The following DDX43 variants were observed in gnomAD, a reference collection of about 807,000 sequenced individuals.
DDX43 encodes probable ATP-dependent RNA helicase DDX43.
Under a neutral mutation model 84.9 loss-of-function variants are expected in DDX43, and 50 were observed. The observed-to-expected ratio is 0.59, with a 90% confidence interval of 0.47 to 0.75. The LOEUF (loss-of-function observed/expected upper bound fraction) is 0.75. Among genes scored for constraint, DDX43 ranks in the 30% least tolerant of loss-of-function variants. The pLI, the probability that DDX43 is intolerant of heterozygous loss-of-function variation, is 0.00. For missense variants in DDX43, 689 were observed against 798.6 expected, an observed-to-expected ratio of 0.86 and a Z score of 1.65; for synonymous variants, 291 against 266.3, an observed-to-expected ratio of 1.09 and a Z score of -0.90.
intron 10 of DDX43, 46 bp from the exon 11 acceptor site, chr6:73,412,159 A>G (rs901194734): frequency 2.7e-6 from 4 of 1,490,124 alleles, no homozygotes; most frequent in Non-Finnish European, 1.9e-6. Context: ...GAAACATAGT[A>G]ATGTTTTTAC....
chr6:73,397,837 C>G, intron 2 of DDX43, 93 bp downstream of exon 2: 1 of 1,170,416 alleles, frequency 8.5e-7, no homozygotes. Context: ...CAGCCTCATT[C>G]TGTCTCCCAG....
At chr6:73,406,025 CTT>C (rs149776059) in intron 6 of DDX43, among the ~76,000 whole-genome samples, 190 bp downstream of exon 6, 39 of 135,580 alleles carry the variant, frequency 2.9e-4, no homozygotes, top group Admixed American at 4.5e-4. Flanking sequence ...AAAATATGTA[CTT>C]TTTTTTTTTT....
At chr6:73,412,721 T>C (rs1769825559) in intron 11 of DDX43, among the ~76,000 whole-genome samples, 1 of 43,940 alleles carries the variant, frequency 2.3e-5, no homozygotes, top group African/African-American at 7.5e-5. Context: ...GTGCAAGTGA[T>C]ATATAGCGTG....
intron 5 of DDX43, 111 bp from the exon 6 acceptor site, chr6:73,405,568 A>C (rs1769660619): frequency 2.9e-6 from 3 of 1,032,486 alleles, no homozygotes; most frequent in Non-Finnish European, 4.2e-6. Context: ...TGACAGTCTC[A>C]TTTTAATCAG....
intron 1 of DDX43, among the ~76,000 whole-genome samples, 200 bp from the exon 2 acceptor site, chr6:73,397,489 G>C (rs184615042): frequency 2.0e-5 from 3 of 152,154 alleles, no homozygotes; most frequent in African/African-American, 7.2e-5. Flanking sequence ...GTCTCCACCT[G>C]TCTGGGATAA....
intron 11 of DDX43, among the ~76,000 whole-genome samples, chr6:73,412,664 T>C (rs572813727): frequency 0.03 from 2,637 of 88,642 alleles, 98 homozygotes; most frequent in Admixed American, 0.052. Context: ...TGTGTGTGTG[T>C]GTGTGCGCGC....
In DDX43 at chr6:73,401,957, G is replaced by C; in HGVS notation, c.535G>C (p.Glu179Gln). Residue 179 changes from glutamate to glutamine, a missense_variant, in exon 4 of 17, where the codon GAA (glutamate) becomes CAA (glutamine). Glu to Gln is a conservative substitution (Grantham distance 29). Coordinates refer to ENST00000370336, the MANE Select transcript of DDX43 (RefSeq NM_018665.3). ...GATAGATTGGGATCAAATTAGAGAG[G>C]AAGGTTTGAAATGGCAAAAAACAAA... ...PLIDWDQIRE[E>Q]GLKWQKTKWA... 1 of 1,614,142 alleles carries C rather than the reference G, an allele frequency of 6.2e-7. No individual in the cohort carries two copies. Among genetic ancestry groups the C allele is most frequent in the Non-Finnish European group, 8.5e-7 (1 of 1,180,002 alleles).
chr6:73,413,952 G>C lies in DDX43; in HGVS notation c.1497-18G>C. ...TAGAATAAGCACCTAAGAATGCTGA[G>C]TTTATCTTTTGCTTCAGTGCGGATC... On this transcript the variant is annotated intron_variant, in intron 12 of 16. Transcript: ENST00000370336. 6.3e-7 allele frequency: 1 copy of C among 1,581,462 alleles called. No individual in the cohort carries two copies. The highest frequency in any genetic ancestry group is 8.7e-7 in the Non-Finnish European group (1 of 1,152,558).
chr6:73,403,418 C>T (rs1196515076), intron 4 of DDX43, among the ~76,000 whole-genome samples: 11 of 151,718 alleles, frequency 7.3e-5, no homozygotes, highest in Non-Finnish European at 1.3e-4. Context: ...TGCAGTGAGC[C>T]GAGATTGCAT....
chr6:73,400,546 C>T (rs1171437646), intron 3 of DDX43, among the ~76,000 whole-genome samples, 183 bp downstream of exon 3: 2 of 152,154 alleles, frequency 1.3e-5, no homozygotes, highest in African/African-American at 4.8e-5. Flanking sequence ...TACCAGAGCT[C>T]TATGTTCATG....
chr6:73,416,449 C>T (rs925056048), intron 16 of DDX43, among the ~76,000 whole-genome samples, 198 bp downstream of exon 16: 3 of 152,168 alleles, frequency 2.0e-5, no homozygotes, highest in African/African-American at 7.2e-5. Context: ...ATGTTTATAG[C>T]AGCACTATTC....
rs774766166 is a variant in DDX43 at position 73,405,781 on chromosome 6, T to G, written c.753T>G (p.Pro251=). The change falls in exon 6 of 17, where the codon CCT becomes CCG. Residue 251 remains proline (P), a synonymous_variant. Transcript: ENST00000370336. The part of the protein sequence containing the change: ...CTFDDAFQCY[P]EVMENIKKAG... ...TTGATGACGCCTTTCAATGTTATCC[T>G]GAGGTTATGGAAAACATTAAAAAGG... 4 of 1,614,146 alleles carry G rather than the reference T, an allele frequency of 2.5e-6. No homozygotes were observed. Among genetic ancestry groups the G allele is most frequent in the Non-Finnish European group, 3.4e-6 (4 of 1,180,012 alleles).
intron 10 of DDX43, among the ~76,000 whole-genome samples, chr6:73,411,321 T>C (rs1198155222): frequency 6.6e-6 from 1 of 151,334 alleles, no homozygotes; most frequent in African/African-American, 2.4e-5. Context: ...AGTACCTTTT[T>C]TTCTTTTCTT....
Position 73,406,407 on chromosome 6 carries a change from G to C in DDX43, c.851G>C (p.Gly284Ala), listed in dbSNP as rs748090175. 1.5e-5 allele frequency: 24 copies of C among 1,613,446 alleles called. No individual in the cohort carries two copies. The Middle Eastern group carries it at 4.9e-4, about 33-fold the overall frequency. Residue 284 changes from glycine to alanine, a missense_variant, in exon 7 of 17, where the codon GGA becomes GCA. Transcript: ENST00000370336. Reference sequence around the variant, plus strand: ...GTGTTGCAAGGAATAGATCTTATAGGAGTAGCCCAGACTGGAACAGGAAAG... The same window carrying C: ...GTGTTGCAAGGAATAGATCTTATAGCAGTAGCCCAGACTGGAACAGGAAAG... ...PIVLQGIDLI[G>A]VAQTGTGKTL...
intron 11 of DDX43, among the ~76,000 whole-genome samples, chr6:73,412,638 AGT>A (rs66577187): frequency 0.016 from 965 of 59,546 alleles, 31 homozygotes; most frequent in African/African-American, 0.039. Flanking sequence ...ATATATATAT[AGT>A]GTGTGTGTGT....
chr6:73,407,828 A>T (rs1209120847), intron 8 of DDX43, 132 bp from the exon 9 acceptor site: 2 of 886,276 alleles, frequency 2.3e-6, no homozygotes, highest in African/African-American at 3.4e-5. Context: ...TGATGGGTGT[A>T]CATAATTCTC....
At chr6:73,413,187 A>G (rs541026369) in intron 11 of DDX43, among the ~76,000 whole-genome samples, 25 of 152,164 alleles carry the variant, frequency 1.6e-4, no homozygotes, top group African/African-American at 4.8e-4. Context: ...CTCCATTATA[A>G]TATAAAGTTC....
chr6:73,407,382 G>A (rs565622623), intron 7 of DDX43, 123 bp from the exon 8 acceptor site: 10 of 664,902 alleles, frequency 1.5e-5, no homozygotes, highest in African/African-American at 1.3e-4. Flanking sequence ...GCCTCCCAAA[G>A]TGCTGAGATT....
At chr6:73,399,425 C>T (rs751998100) in intron 2 of DDX43, among the ~76,000 whole-genome samples, 2 of 152,140 alleles carry the variant, frequency 1.3e-5, no homozygotes, top group Admixed American at 6.6e-5. Flanking sequence ...TCCTGACATA[C>T]GCTGCTACCA....
Sources: allele counts gnomAD v4.1 joint callset (sites outside exome capture counted in the v4.1 genomes callset), GRCh38; gene constraint gnomAD v4.1.1; transcripts MANE v1.5; gene names NCBI Gene and HGNC (gene_info 2026-07-23, HGNC 2026-07-21).